Variants in NCAM2 observed in about 807,000 individuals in gnomAD.
NCAM2 encodes N-CAM-2.
A neutral mutation model predicts 98.1 loss-of-function variants in NCAM2; 30 were observed. That is an observed-to-expected ratio of 0.31 (90% CI 0.23 to 0.41). The LOEUF (loss-of-function observed/expected upper bound fraction) is 0.41, where lower values mean the gene tolerates loss of function less well. Ranked by LOEUF, NCAM2 falls within the 10% of genes least tolerant of loss-of-function variation. NCAM2 has a pLI of 1.00. For missense variants in NCAM2, 867 were observed against 1,005.8 expected, an observed-to-expected ratio of 0.86 and a Z score of 1.87; for synonymous variants, 368 against 342.4, an observed-to-expected ratio of 1.07 and a Z score of -0.83.
intron 13 of NCAM2, among the ~76,000 whole-genome samples, chr21:21,467,428 T>TATATATATATATATTTTTA (rs1555902035): frequency 7.1e-6 from 1 of 140,734 alleles, no homozygotes; most frequent in Non-Finnish European, 1.5e-5. Flanking sequence ...ATATATCTTT[T>TATATATATATATATTTTTA]TATATATATA....
At chr21:21,461,973 G>C (rs1983040610) in intron 12 of NCAM2, among the ~76,000 whole-genome samples, 1 of 151,916 alleles carries the variant, frequency 6.6e-6, no homozygotes, top group Admixed American at 6.6e-5. Flanking sequence ...TTTTTATTTT[G>C]CCTGTTGCTA....
At chr21:21,175,542 A>T (rs953690312) in intron 1 of NCAM2, among the ~76,000 whole-genome samples, 1 of 141,050 alleles carries the variant, frequency 7.1e-6, no homozygotes. Context: ...CAAAAAAAAT[A>T]AAAAAAAATA....
At chr21:21,078,755 GT>G (rs987297908) in intron 1 of NCAM2, among the ~76,000 whole-genome samples, 1 of 152,046 alleles carries the variant, frequency 6.6e-6, no homozygotes. Context: ...TTGCAGCACT[GT>G]TTACAATAAC....
At chr21:21,051,271 AG>A (rs1413360747) in intron 1 of NCAM2, among the ~76,000 whole-genome samples, 1 of 152,046 alleles carries the variant, frequency 6.6e-6, no homozygotes, top group African/African-American at 2.4e-5. Context: ...GAAGCTAGCT[AG>A]CCAAGAGTGT....
At chr21:21,097,092 G>A (rs548805802) in intron 1 of NCAM2, among the ~76,000 whole-genome samples, 6 of 151,570 alleles carry the variant, frequency 4.0e-5, no homozygotes, top group Middle Eastern at 3.4e-3. Context: ...TTCATTATAC[G>A]TTTTTGGTAA....
chr21:21,251,289 A>T (rs2071460310), intron 1 of NCAM2, among the ~76,000 whole-genome samples: 1 of 151,986 alleles, frequency 6.6e-6, no homozygotes, highest in African/African-American at 2.4e-5. Flanking sequence ...CCCCACATGC[A>T]TTAGATTTTT....
At chr21:21,050,163 G>T (rs1338055374) in intron 1 of NCAM2, among the ~76,000 whole-genome samples, 1 of 151,150 alleles carries the variant, frequency 6.6e-6, no homozygotes, top group Non-Finnish European at 1.5e-5. Flanking sequence ...TTTCTCTTTA[G>T]ACTCTGTTTT....
intron 1 of NCAM2, among the ~76,000 whole-genome samples, chr21:21,083,306 A>T (rs1398289446): frequency 6.6e-6 from 1 of 152,134 alleles, no homozygotes; most frequent in Admixed American, 6.5e-5. Flanking sequence ...CTTTGCTGGT[A>T]ATTATTATTT....
At chr21:21,063,858 A>C (rs914764648) in intron 1 of NCAM2, among the ~76,000 whole-genome samples, 2 of 152,168 alleles carry the variant, frequency 1.3e-5, no homozygotes, top group Non-Finnish European at 2.9e-5. Context: ...AAATGTTAAA[A>C]AATTTGTATA....
At chr21:21,194,324 A>G (rs1471190522) in intron 1 of NCAM2, among the ~76,000 whole-genome samples, 1 of 152,166 alleles carries the variant, frequency 6.6e-6, no homozygotes. Context: ...AGGGACTTGG[A>G]AACATAAGGA....
intron 8 of NCAM2, among the ~76,000 whole-genome samples, chr21:21,350,362 C>T (rs555735004): frequency 2.6e-5 from 4 of 152,154 alleles, no homozygotes; most frequent in African/African-American, 4.8e-5. Flanking sequence ...TCACTAACTA[C>T]GATGTGTTCC....
intron 1 of NCAM2, among the ~76,000 whole-genome samples, chr21:21,214,948 T>A (rs548110150): frequency 3.3e-5 from 5 of 151,766 alleles, no homozygotes; most frequent in Non-Finnish European, 2.9e-5. Flanking sequence ...TAATTTTAGC[T>A]TAAAGTAGTA....
At chr21:21,225,844 A>C (rs951266580) in intron 1 of NCAM2, among the ~76,000 whole-genome samples, 5 of 152,094 alleles carry the variant, frequency 3.3e-5, no homozygotes, top group Non-Finnish European at 7.4e-5. Flanking sequence ...AGTAATATCT[A>C]AATTATTCTA....
intron 16 of NCAM2, among the ~76,000 whole-genome samples, chr21:21,527,434 A>C (rs1368037432): frequency 1.3e-5 from 2 of 152,182 alleles, no homozygotes; most frequent in Non-Finnish European, 2.9e-5. Context: ...ACGGAATGGG[A>C]GGAAATATTT....
intron 15 of NCAM2, among the ~76,000 whole-genome samples, chr21:21,485,968 T>C (rs1241588691): frequency 1.3e-5 from 2 of 152,042 alleles, no homozygotes; most frequent in Non-Finnish European, 2.9e-5. Flanking sequence ...AATCTAGTAA[T>C]AGACCTGTAG....
At chr21:21,485,164 C>T (rs1387602240) in intron 15 of NCAM2, among the ~76,000 whole-genome samples, 3 of 152,132 alleles carry the variant, frequency 2.0e-5, no homozygotes, top group South Asian at 2.1e-4. Flanking sequence ...ACCAAAATGT[C>T]TTAAGGAATA....
intron 10 of NCAM2, among the ~76,000 whole-genome samples, chr21:21,412,052 A>G (rs1249606013): frequency 6.6e-6 from 1 of 152,222 alleles, no homozygotes; most frequent in Non-Finnish European, 1.5e-5. Flanking sequence ...TGTAGTGTGT[A>G]GTCTCCTTGA....
intron 5 of NCAM2, among the ~76,000 whole-genome samples, chr21:21,311,916 G>C (rs2074066541): frequency 6.6e-6 from 1 of 152,040 alleles, no homozygotes; most frequent in Non-Finnish European, 1.5e-5. Context: ...GGTTCCTTGA[G>C]TTTATATTGT....
At chr21:21,260,788 A>C (rs930725490) in intron 1 of NCAM2, among the ~76,000 whole-genome samples, 1 of 152,176 alleles carries the variant, frequency 6.6e-6, no homozygotes, top group African/African-American at 2.4e-5. Context: ...CTGTAAATCC[A>C]TTACATGACT....
Sources: allele counts gnomAD v4.1 joint callset (sites outside exome capture counted in the v4.1 genomes callset), GRCh38; gene constraint gnomAD v4.1.1; transcripts MANE v1.5; gene names NCBI Gene and HGNC (gene_info 2026-07-23, HGNC 2026-07-21).